FBXO9: variants seen among roughly 807,000 people sequenced by gnomAD.
FBXO9 encodes the protein F-box only protein 9.
A neutral mutation model predicts 63.7 loss-of-function variants in FBXO9; 43 were observed. The ratio of observed to expected loss-of-function variants is 0.67; its 90% CI spans 0.53 to 0.87. The LOEUF (loss-of-function observed/expected upper bound fraction) is 0.87, where lower values mean the gene tolerates loss of function less well. Among genes scored for constraint, FBXO9 ranks in the 40% least tolerant of loss-of-function variants. The pLI is 0.00. For synonymous variants in FBXO9, 156 were observed against 171.7 expected (o/e 0.91, Z 0.72); for missense variants, 442 against 533.2 (o/e 0.83, Z 1.68).
chr6:53,077,241 G>A (rs2127491027), intron 4 of FBXO9, among the ~76,000 whole-genome samples: 1 of 152,070 alleles, frequency 6.6e-6, no homozygotes, highest in African/African-American at 2.4e-5. Flanking sequence ...TTGGGAGGCC[G>A]AGGCGGGCGG....
At chr6:53,085,145 A>C (rs1025876940) in intron 7 of FBXO9, among the ~76,000 whole-genome samples, 5 of 152,200 alleles carry the variant, frequency 3.3e-5, no homozygotes, top group Non-Finnish European at 7.3e-5. Context: ...AAATGGTTCC[A>C]CCTTGGTTCA....
chr6:53,095,671 G>C lies in FBXO9; in HGVS notation c.1205+7G>C. On this transcript the variant is annotated splice_region_variant and intron_variant, in intron 12 of 12. Coordinates refer to ENST00000323557, the MANE Select transcript of FBXO9 (RefSeq NM_033480.3). ...CTTGTCACATTACTTACAAGTAGGT[G>C]AATGCAATAAAAATAACAAGGTTAC... is the stretch of plus-strand genomic sequence containing the variant. 1 of 1,599,344 alleles carries C rather than the reference G, an allele frequency of 6.3e-7. No homozygotes were observed. The highest frequency in any genetic ancestry group is 8.5e-7 in the Non-Finnish European group (1 of 1,174,548).
intron 3 of FBXO9, 41 bp downstream of exon 3, chr6:53,073,680 T>C: frequency 6.8e-7 from 1 of 1,481,202 alleles, no homozygotes; most frequent in Non-Finnish European, 9.0e-7. Context: ...ATTTTTTTTT[T>C]TTTGGCACAT....
chr6:53,089,260 A>G (rs1234372351), intron 7 of FBXO9, among the ~76,000 whole-genome samples: 3 of 151,854 alleles, frequency 2.0e-5, no homozygotes, highest in Non-Finnish European at 4.4e-5. Flanking sequence ...ATTTTTTAGT[A>G]GAGATGGGGT....
chr6:53,093,395 C>G lies in FBXO9; in HGVS notation c.864-71C>G, dbSNP rs955076781. On this transcript the variant is annotated intron_variant, in intron 9 of 12. Coordinates refer to ENST00000323557, the MANE Select transcript of FBXO9 (RefSeq NM_033480.3). ...TCATAGCTATGAATAGGCATAGGTA[C>G]TAATAGATAAGGACATATTTTATAC... The G allele has an allele frequency of 3.9e-6, 4 of 1,017,100 alleles. No homozygotes were observed. The African/African-American group carries it at 6.4e-5, about 16-fold the overall frequency. The allele number at this position is 1,017,100 out of a possible 1,614,324, so 63.0% of individuals were successfully genotyped here.
intron 1 of FBXO9, chr6:53,067,976 T>C (rs1255887596): frequency 6.6e-6 from 1 of 152,184 alleles, no homozygotes; most frequent in Non-Finnish European, 1.5e-5. Context: ...CACCTCTGCT[T>C]TGAGTCTGCT....
chr6:53,095,804 A>G (rs2127500416), intron 12 of FBXO9, 140 bp downstream of exon 12: 2 of 772,984 alleles, frequency 2.6e-6, no homozygotes, highest in Non-Finnish European at 3.8e-6. Flanking sequence ...ACAAACTACT[A>G]CAAACCAAGA....
rs535030729 is a variant in FBXO9 at position 53,088,048 on chromosome 6, A to G, written c.654-4381A>G. Among the ~76,000 whole-genome samples, 5 of 152,316 alleles carry G rather than the reference A, an allele frequency of 3.3e-5. No homozygotes were observed. The South Asian group carries it at 1.0e-3, about 32-fold the overall frequency. On this transcript the variant is annotated intron_variant, in intron 7 of 12. Coordinates refer to ENST00000323557, the MANE Select transcript of FBXO9 (RefSeq NM_033480.3). ...CTTTAGGACAAAAATCTACCATACA[A>G]GATTCTTTTTTATACAAAATTATTC...
intron 7 of FBXO9, among the ~76,000 whole-genome samples, chr6:53,085,833 G>T (rs1368052734): frequency 6.6e-6 from 1 of 152,090 alleles, no homozygotes; most frequent in African/African-American, 2.4e-5. Flanking sequence ...GTTCTTTGAG[G>T]CTTTCCAGGA....
intron 3 of FBXO9, among the ~76,000 whole-genome samples, chr6:53,074,551 C>T (rs1769033595): frequency 6.6e-6 from 1 of 152,190 alleles, no homozygotes; most frequent in Non-Finnish European, 1.5e-5. Flanking sequence ...AGTTTTATTA[C>T]AAGGTAGCTT....
chr6:53,094,429 A>AG (rs781741514), intron 11 of FBXO9, among the ~76,000 whole-genome samples: 1 of 152,198 alleles, frequency 6.6e-6, no homozygotes, highest in Non-Finnish European at 1.5e-5. Context: ...AAGGAAAAAA[A>AG]TGCCAAGCAA....
chr6:53,065,734 G>A lies in FBXO9; in HGVS notation c.-56G>A. On this transcript the variant is annotated 5_prime_UTR_variant, in exon 1 of 13. Coordinates refer to ENST00000323557, the MANE Select transcript of FBXO9 (RefSeq NM_033480.3). ...GACACCCAGCACCCCTCCTCCGGGG[G>A]GCGGTGCAGAGGGGGCACGGAGAGC... 1 of 1,428,768 alleles carries A rather than the reference G, an allele frequency of 7.0e-7. No individual in the cohort carries two copies. Among genetic ancestry groups the A allele is most frequent in the Non-Finnish European group, 9.2e-7 (1 of 1,091,180 alleles). The allele number at this position is 1,428,768 out of a possible 1,614,324, so 88.5% of individuals were successfully genotyped here. A position where few individuals can be genotyped will look rare whatever the true frequency, so the allele number is the denominator to read the frequency against.
At chr6:53,085,676 A>C (rs1167142217) in intron 7 of FBXO9, among the ~76,000 whole-genome samples, 1 of 151,794 alleles carries the variant, frequency 6.6e-6, no homozygotes, top group African/African-American at 2.4e-5. Context: ...GATTTTTATG[A>C]GTTTACATAG....
chr6:53,092,300 T>A, intron 7 of FBXO9, 129 bp from the exon 8 acceptor site: 3 of 655,246 alleles, frequency 4.6e-6, no homozygotes, highest in Non-Finnish European at 5.3e-6. Context: ...GTCCATTAGT[T>A]TCTCCTCAGA....
At chr6:53,065,829 G>C (rs773435670) in intron 1 of FBXO9, 37 bp downstream of exon 1, 2 of 1,320,646 alleles carry the variant, frequency 1.5e-6, no homozygotes, top group Non-Finnish European at 1.9e-6. Flanking sequence ...GGACGCCGCG[G>C]GGCGGGAGCG....
chr6:53,078,934 G>A (rs1769214301), intron 5 of FBXO9, 36 bp downstream of exon 5: 1 of 1,488,412 alleles, frequency 6.7e-7, no homozygotes, highest in South Asian at 1.1e-5. Flanking sequence ...AATGCATAGA[G>A]TTTGTTAAAG....
chr6:53,067,281 C>T (rs531671765), intron 1 of FBXO9, among the ~76,000 whole-genome samples: 11 of 152,310 alleles, frequency 7.2e-5, no homozygotes, highest in Admixed American at 3.9e-4. Context: ...CTAGACAGGC[C>T]TTTACTACAA....
Position 53,073,462 on chromosome 6 carries a change from A to T in FBXO9, c.91-19A>T, listed in dbSNP as rs1457815856. On this transcript the variant is annotated intron_variant, in intron 2 of 12. Coordinates refer to ENST00000323557, the MANE Select transcript of FBXO9 (RefSeq NM_033480.3). ...GCTACCCTTCCTTGATGAGTCCTAA[A>T]ATGCTGTTCTCCCCATAGGCACAAC... The T allele has an allele frequency of 6.2e-7, 1 of 1,610,644 alleles. No homozygotes were observed. The highest frequency in any genetic ancestry group is 1.3e-5 in the African/African-American group (1 of 74,744).
chr6:53,071,145 C>T lies in FBXO9; in HGVS notation c.90+2C>T. ...AGTCCTGCTGAAACAGATCTGCAGG[C>T]ATGTTTCTTCAATTGTGTCTTTGAT... On this transcript the variant is annotated splice_donor_variant, in intron 2 of 12. Coordinates refer to ENST00000323557, the MANE Select transcript of FBXO9 (RefSeq NM_033480.3). LOFTEE classifies it low-confidence loss of function (GC_TO_GT_DONOR). 1 of 1,552,264 alleles carries T rather than the reference C, an allele frequency of 6.4e-7. No homozygotes were observed. Among genetic ancestry groups the T allele is most frequent in the Non-Finnish European group, 8.7e-7 (1 of 1,146,092 alleles).
Sources: gnomAD v4.1 joint callset for allele counts (sites outside exome capture counted in the v4.1 genomes callset) on GRCh38, gnomAD v4.1.1 for gene constraint, MANE v1.5 for transcripts, NCBI Gene and HGNC (gene_info 2026-07-23, HGNC 2026-07-21) for gene names.